The following ANKRD31 variants were observed in gnomAD, a reference collection of about 807,000 sequenced individuals.
ANKRD31 encodes the protein ankyrin repeat domain-containing protein 31.
A neutral mutation model predicts 186.0 loss-of-function variants in ANKRD31; 147 were observed. The observed-to-expected ratio is 0.79, with a 90% CI of 0.69 to 0.91. The LOEUF (loss-of-function observed/expected upper bound fraction) is 0.91, where lower values mean the gene tolerates loss of function less well. Ranked by LOEUF, ANKRD31 falls within the 40% of genes least tolerant of loss-of-function variation. ANKRD31 has a pLI of 0.00. For synonymous variants in ANKRD31, 673 were observed against 736.4 expected (o/e 0.91, Z 1.39); for missense variants, 1,986 against 2,148.8 (o/e 0.92, Z 1.50).
chr5:75,069,485 G>T (rs1161231015), intron 25 of ANKRD31, among the ~76,000 whole-genome samples: 1 of 152,094 alleles, frequency 6.6e-6, no homozygotes, highest in Admixed American at 6.5e-5. Flanking sequence ...AGATTCAGGG[G>T]TCAGAACATA....
At position 75,147,124 on chromosome 5, in the gene ANKRD31, C is replaced by T. The variant is rs1449943336; in HGVS notation, c.2287G>A (p.Val763Ile). Residue 763 changes from valine to isoleucine, a missense_variant, in exon 14 of 26, where the codon GTT becomes ATT. Val to Ile is a conservative substitution (Grantham distance 29). Transcript: ENST00000506364. The part of the protein sequence containing the change: ...VSPSRRINRL[V>I]TYQQHIPETH... ...TCTGGAATATGCTGCTGATAGGTAA[C>T]CAATCTGTTTATTCTCCTGGAAGGA... 9 of 1,536,166 alleles carry T rather than the reference C, an allele frequency of 5.9e-6. No individual in the cohort carries two copies. The highest frequency in any genetic ancestry group is 7.9e-6 in the Non-Finnish European group (9 of 1,146,310).
intron 9 of ANKRD31, among the ~76,000 whole-genome samples, chr5:75,190,257 G>A (rs950349103): frequency 6.6e-6 from 1 of 152,120 alleles, no homozygotes; most frequent in African/African-American, 2.4e-5. Context: ...CTGGGCTCAA[G>A]CGATCCACCC....
intron 25 of ANKRD31, among the ~76,000 whole-genome samples, chr5:75,069,945 G>T (rs1744085545): frequency 6.6e-6 from 1 of 152,174 alleles, no homozygotes; most frequent in Non-Finnish European, 1.5e-5. Flanking sequence ...ATGAGGAAAT[G>T]GAGCTGAGAA....
At chr5:75,200,810 G>T (rs1755774765) in intron 5 of ANKRD31, among the ~76,000 whole-genome samples, 1 of 151,642 alleles carries the variant, frequency 6.6e-6, no homozygotes, top group South Asian at 2.1e-4. Flanking sequence ...TACTCGGGAG[G>T]CTGAGGCATG....
At chr5:75,123,746 C>A (rs1003190455) in intron 17 of ANKRD31, among the ~76,000 whole-genome samples, 1 of 151,808 alleles carries the variant, frequency 6.6e-6, no homozygotes, top group South Asian at 2.1e-4. Flanking sequence ...GATTGCCATA[C>A]GTAGAAGAAT....
chr5:75,092,720 GAC>G (rs1036996258), intron 22 of ANKRD31, among the ~76,000 whole-genome samples: 1 of 152,064 alleles, frequency 6.6e-6, no homozygotes, highest in African/African-American at 2.4e-5. Context: ...AGCAAAGTAT[GAC>G]ACACACACTG....
At chr5:75,113,838 T>A (rs530076402) in intron 19 of ANKRD31, among the ~76,000 whole-genome samples, 295 of 152,276 alleles carry the variant, frequency 1.9e-3, no homozygotes, top group African/African-American at 6.1e-3. Flanking sequence ...TACCGCTTCA[T>A]ACAGTGAATG....
intron 25 of ANKRD31, among the ~76,000 whole-genome samples, chr5:75,075,716 A>C (rs1744585114): frequency 6.6e-6 from 1 of 152,208 alleles, no homozygotes; most frequent in African/African-American, 2.4e-5. Context: ...AAGACACCTA[A>C]AAAGACTGAA....
rs1375415858 is a variant in ANKRD31, at chr5:75,112,673, C to T, written c.4156-73G>A. ...CTCTCTGATATGCCATTGACAAACA[C>T]AGAGTAAATAAAATACTAAAGAAAG... On this transcript the variant is annotated intron_variant, in intron 19 of 25. Coordinates refer to ENST00000506364, the MANE Select transcript of ANKRD31 (RefSeq NM_001372053.1). The T allele has an allele frequency of 1.2e-5, 11 of 928,668 alleles. No individual in the cohort carries two copies. The East Asian group carries it at 1.7e-4, about 14-fold the overall frequency. The allele number at this position is 928,668 out of a possible 1,614,324, so 57.5% of individuals were successfully genotyped here.
Position 75,166,560 on chromosome 5 carries a change from T to C in ANKRD31, c.1707+2419A>G, listed in dbSNP as rs747782509. ...CCATGTCTGAGGCCTATTCTTTCAATATATGTGAATCCCCAAATCAATGCC... is the reference window on the plus strand; with the variant it reads ...CCATGTCTGAGGCCTATTCTTTCAACATATGTGAATCCCCAAATCAATGCC... On this transcript the variant is annotated intron_variant, in intron 11 of 25. Transcript: ENST00000506364. Among the ~76,000 whole-genome samples, 11 of 152,150 alleles carry C rather than the reference T, an allele frequency of 7.2e-5. No homozygotes were observed. In the East Asian group the frequency reaches 1.2e-3, roughly 16 times the overall value.
chr5:75,226,359 G>A lies in ANKRD31; in HGVS notation c.179-4001C>T, dbSNP rs534461374. 1.4e-4 allele frequency among the ~76,000 whole-genome samples: 21 copies of A among 152,232 alleles called. No homozygotes were observed. The South Asian group carries it at 1.9e-3, about 14-fold the overall frequency. On this transcript the variant is annotated intron_variant, in intron 2 of 25. Transcript: ENST00000506364. ...CAGGCCTTGGGCAAGACTCAGTACCGTGCTGGGTTCAGGTCTGACCCAGTG... is the reference window on the plus strand; with the variant it reads ...CAGGCCTTGGGCAAGACTCAGTACCATGCTGGGTTCAGGTCTGACCCAGTG...
At chr5:75,145,918 GT>G (rs1288120778) in intron 14 of ANKRD31, 68 bp downstream of exon 14, 1 of 1,294,100 alleles carries the variant, frequency 7.7e-7, no homozygotes, top group Non-Finnish European at 1.0e-6. Flanking sequence ...ATACAATTCA[GT>G]TGGAAATTTC....
intron 20 of ANKRD31, among the ~76,000 whole-genome samples, chr5:75,108,792 A>C (rs1200629663): frequency 6.6e-6 from 1 of 152,166 alleles, no homozygotes; most frequent in East Asian, 1.9e-4. Flanking sequence ...TGTACAATCA[A>C]TAAGAATTTA....
At chr5:75,154,149 C>A in intron 12 of ANKRD31, 52 bp downstream of exon 12, 1 of 1,322,010 alleles carries the variant, frequency 7.6e-7, no homozygotes, top group Admixed American at 3.3e-5. Flanking sequence ...AATTAAATTT[C>A]TGTAACTTCA....
At position 75,210,862 on chromosome 5, in the gene ANKRD31, G is replaced by T; in HGVS notation, c.292C>A (p.Gln98Lys). The part of the protein sequence containing the change: ...VLSEDTILQS[Q>K]DETERNQALL... ...GCTTGATTTCGTTCTGTTTCATCTT[G>T]AGACTGCTAGGAAAAAAAAAAGTTT... Residue 98 changes from glutamine to lysine, a missense_variant, in exon 4 of 26, where the codon CAA (glutamine) becomes AAA (lysine). Physicochemically the swap from Gln to Lys is moderately conservative, Grantham distance 53 (BLOSUM62 1). Transcript: ENST00000506364. 9 of 1,509,338 alleles carry T rather than the reference G, an allele frequency of 6.0e-6. No individual in the cohort carries two copies. The highest frequency in any genetic ancestry group is 7.9e-6 in the Non-Finnish European group (9 of 1,137,558). The allele number at this position is 1,509,338 out of a possible 1,614,324, so 93.5% of individuals were successfully genotyped here. A position where few individuals can be genotyped will look rare whatever the true frequency, so the allele number is the denominator to read the frequency against.
intron 22 of ANKRD31, among the ~76,000 whole-genome samples, chr5:75,100,027 T>G (rs1746700381): frequency 6.6e-6 from 1 of 152,196 alleles, no homozygotes; most frequent in African/African-American, 2.4e-5. Context: ...GGTGTCAATT[T>G]TAGGTCTTTC....
intron 11 of ANKRD31, among the ~76,000 whole-genome samples, chr5:75,160,350 T>A (rs1208845125): frequency 6.6e-6 from 1 of 151,834 alleles, no homozygotes; most frequent in Non-Finnish European, 1.5e-5. Context: ...ACTAAAAAAA[T>A]CATTAAAGGA....
At chr5:75,199,586 C>A in intron 6 of ANKRD31, 45 bp downstream of exon 6, 1 of 1,435,382 alleles carries the variant, frequency 7.0e-7, no homozygotes, top group Non-Finnish European at 9.3e-7. Context: ...TTTAAAAAAT[C>A]TAAACTCACA....
At chr5:75,231,271 G>T (rs995097066) in intron 1 of ANKRD31, among the ~76,000 whole-genome samples, 1 of 151,474 alleles carries the variant, frequency 6.6e-6, no homozygotes, top group Non-Finnish European at 1.5e-5. Context: ...TAGAGCCAGG[G>T]TCTTATCACT....
Sources: allele counts gnomAD v4.1 joint callset (sites outside exome capture counted in the v4.1 genomes callset), GRCh38; gene constraint gnomAD v4.1.1; transcripts MANE v1.5; gene names NCBI Gene and HGNC (gene_info 2026-07-23, HGNC 2026-07-21).